SKAP1: variants seen among roughly 807,000 people sequenced by gnomAD.
The protein encoded by SKAP1 is src kinase-associated phosphoprotein 1.
In SKAP1, 44 loss-of-function variants were observed where a neutral mutation model predicts 58.5. That is an observed-to-expected ratio of 0.75 (90% CI 0.59 to 0.97). The LOEUF is 0.97. SKAP1 is among the 50% of genes least tolerant of loss of function. The pLI is 0.00. For synonymous variants in SKAP1, 127 were observed against 149.7 expected (o/e 0.85, Z 1.11); for missense variants, 390 against 435.2 (o/e 0.90, Z 0.92).
chr17:48,259,661 A>AT (rs1429563781), intron 4 of SKAP1, among the ~76,000 whole-genome samples: 1 of 152,184 alleles, frequency 6.6e-6, no homozygotes, highest in East Asian at 1.9e-4. Context: ...TACAATTATC[A>AT]TAGAAGAAGA....
chr17:48,202,603 G>A (rs757952370), intron 4 of SKAP1, among the ~76,000 whole-genome samples: 1 of 152,168 alleles, frequency 6.6e-6, no homozygotes, highest in Non-Finnish European at 1.5e-5. Flanking sequence ...ACTCAAGCAA[G>A]TTTGAAGTCA....
chr17:48,397,088 TA>T, intron 1 of SKAP1: 3 of 425,308 alleles, frequency 7.1e-6, no homozygotes, highest in Non-Finnish European at 9.4e-6. Context: ...TAACATGTTC[TA>T]ATAATCCAAG....
At chr17:48,371,023 C>G (rs2067077527) in intron 2 of SKAP1, among the ~76,000 whole-genome samples, 2 of 152,112 alleles carry the variant, frequency 1.3e-5, no homozygotes, top group Non-Finnish European at 2.9e-5. Flanking sequence ...CAAATTAATG[C>G]AGAAACAGAA....
At chr17:48,239,846 G>GAGAGAT (rs1555607103) in intron 4 of SKAP1, among the ~76,000 whole-genome samples, 2 of 62,780 alleles carry the variant, frequency 3.2e-5, no homozygotes, top group Non-Finnish European at 8.7e-5. Flanking sequence ...GAGAGAGAGA[G>GAGAGAT]AGACAGAGAG....
intron 4 of SKAP1, among the ~76,000 whole-genome samples, chr17:48,236,441 T>C (rs1197961602): frequency 6.6e-6 from 1 of 152,244 alleles, no homozygotes; most frequent in Non-Finnish European, 1.5e-5. Context: ...TATACCACAG[T>C]AGGTTCTTGA....
chr17:48,354,220 C>T (rs1375509421), intron 3 of SKAP1, among the ~76,000 whole-genome samples: 1 of 152,106 alleles, frequency 6.6e-6, no homozygotes, highest in Non-Finnish European at 1.5e-5. Flanking sequence ...CTCCCCATGC[C>T]ACATCCCACT....
At chr17:48,299,509 G>A (rs1477293536) in intron 4 of SKAP1, among the ~76,000 whole-genome samples, 1 of 152,110 alleles carries the variant, frequency 6.6e-6, no homozygotes, top group Non-Finnish European at 1.5e-5. Context: ...TATAGAACAG[G>A]AGACTACTAT....
At chr17:48,276,761 A>G (rs2065706134) in intron 4 of SKAP1, among the ~76,000 whole-genome samples, 1 of 152,202 alleles carries the variant, frequency 6.6e-6, no homozygotes, top group African/African-American at 2.4e-5. Flanking sequence ...TTCACAACTG[A>G]GGTATCATCA....
intron 11 of SKAP1, among the ~76,000 whole-genome samples, chr17:48,158,567 CAA>C (rs1171183021): frequency 1.6e-4 from 10 of 61,512 alleles, no homozygotes; most frequent in Non-Finnish European, 2.8e-4. Flanking sequence ...GACTCTGTCT[CAA>C]AAAAAAAAAA....
chr17:48,413,891 C>T (rs2067699693), intron 1 of SKAP1, among the ~76,000 whole-genome samples: 1 of 152,062 alleles, frequency 6.6e-6, no homozygotes, highest in Non-Finnish European at 1.5e-5. Flanking sequence ...CTATGTAGGA[C>T]CTGATGCTAC....
chr17:48,355,387 C>A (rs2066862113), intron 3 of SKAP1, among the ~76,000 whole-genome samples: 1 of 152,132 alleles, frequency 6.6e-6, no homozygotes, highest in Non-Finnish European at 1.5e-5. Flanking sequence ...AAGTGATCCT[C>A]CCACCCCAAC....
chr17:48,248,649 A>G (rs1231273235), intron 4 of SKAP1, among the ~76,000 whole-genome samples: 1 of 152,170 alleles, frequency 6.6e-6, no homozygotes, highest in East Asian at 1.9e-4. Context: ...CAAGGAGCCT[A>G]TGTGATTACA....
chr17:48,294,726 C>T (rs2065942460), intron 4 of SKAP1, among the ~76,000 whole-genome samples: 2 of 152,142 alleles, frequency 1.3e-5, no homozygotes, highest in Non-Finnish European at 2.9e-5. Context: ...TCTTCAAGTT[C>T]CCAAGACATC....
chr17:48,420,659 C>T (rs1295225783), intron 1 of SKAP1, among the ~76,000 whole-genome samples: 2 of 151,542 alleles, frequency 1.3e-5, no homozygotes, highest in Admixed American at 6.6e-5. Context: ...ACCCTTCCTC[C>T]CCATCCTGGC....
intron 1 of SKAP1, among the ~76,000 whole-genome samples, chr17:48,427,940 C>A (rs2067871852): frequency 6.6e-6 from 1 of 151,990 alleles, no homozygotes; most frequent in Admixed American, 6.6e-5. Context: ...CAAATAGCAA[C>A]AAACAACAAA....
upstream of SKAP1, among the ~76,000 whole-genome samples, chr17:48,434,978 C>T (rs1241674264): frequency 1.3e-5 from 2 of 151,798 alleles, no homozygotes; most frequent in Non-Finnish European, 2.9e-5. Flanking sequence ...CCTGTCTCTA[C>T]AAAAAATTCA....
At chr17:48,438,749 C>T in the SKAP1 span, among the ~76,000 whole-genome samples, 3 of 152,112 alleles carry the variant, frequency 2.0e-5, no homozygotes, top group Non-Finnish European at 4.4e-5. Flanking sequence ...AAAGACCCTG[C>T]AAAGAACCAA....
At chr17:48,403,201 A>C (rs2067524291) in intron 1 of SKAP1, among the ~76,000 whole-genome samples, 1 of 147,546 alleles carries the variant, frequency 6.8e-6, no homozygotes, top group African/African-American at 2.5e-5. Flanking sequence ...TGTCTCTACA[A>C]AAAAAAAAAA....
intron 4 of SKAP1, among the ~76,000 whole-genome samples, chr17:48,205,363 G>A (rs942831852): frequency 6.6e-6 from 1 of 151,770 alleles, no homozygotes; most frequent in Non-Finnish European, 1.5e-5. Flanking sequence ...CACGTGCCTC[G>A]GCCTCCCAAA....
Sources: allele counts gnomAD v4.1 joint callset (sites outside exome capture counted in the v4.1 genomes callset), GRCh38; gene constraint gnomAD v4.1.1; transcripts MANE v1.5; gene names NCBI Gene and HGNC (gene_info 2026-07-23, HGNC 2026-07-21).